HNF4G: variants seen among roughly 807,000 people sequenced by gnomAD.
The protein encoded by HNF4G is hepatocyte nuclear factor 4-gamma.
A neutral mutation model predicts 50.9 loss-of-function variants in HNF4G; 21 were observed. The ratio of observed to expected loss-of-function variants is 0.41; its 90% CI spans 0.29 to 0.59. The LOEUF is 0.59. HNF4G is among the 20% of genes least tolerant of loss of function. The pLI is 0.26. For missense variants in HNF4G, 527 were observed against 559.4 expected, an observed-to-expected ratio of 0.94 and a Z score of 0.58; for synonymous variants, 198 against 185.6, an observed-to-expected ratio of 1.07 and a Z score of -0.54.
chr8:75,551,575 T>G (rs928013712), intron 4 of HNF4G, 81 bp downstream of exon 4: 151 of 819,612 alleles, frequency 1.8e-4, no homozygotes, highest in Middle Eastern at 1.4e-3. Context: ...TAATCTAAGT[T>G]TTTTCAAAGG....
chr8:75,414,085 T>C (rs940431021), intron 1 of HNF4G, among the ~76,000 whole-genome samples: 5 of 152,152 alleles, frequency 3.3e-5, no homozygotes, highest in Non-Finnish European at 5.9e-5. Flanking sequence ...GACAAATGTA[T>C]GTAGTTTTGT....
chr8:75,522,210 A>G (rs1436472470), intron 2 of HNF4G, among the ~76,000 whole-genome samples: 1 of 152,210 alleles, frequency 6.6e-6, no homozygotes, highest in Non-Finnish European at 1.5e-5. Flanking sequence ...TCCTTAATTA[A>G]ACAAACTTTT....
chr8:75,453,081 G>A (rs1390311026), intron 1 of HNF4G, among the ~76,000 whole-genome samples: 1 of 152,214 alleles, frequency 6.6e-6, no homozygotes, highest in Non-Finnish European at 1.5e-5. Flanking sequence ...CCTATTTTCT[G>A]TGACAGGCTG....
intron 1 of HNF4G, among the ~76,000 whole-genome samples, chr8:75,409,785 C>T (rs1200482741): frequency 1.3e-5 from 2 of 152,014 alleles, no homozygotes; most frequent in African/African-American, 4.8e-5. Context: ...CCCCACCCGG[C>T]CTGTTTTTAT....
intron 2 of HNF4G, among the ~76,000 whole-genome samples, chr8:75,494,300 G>GCACGCA (rs1812708427): frequency 2.6e-5 from 2 of 77,264 alleles, no homozygotes; most frequent in South Asian, 4.2e-4. Context: ...CTCCCATACA[G>GCACGCA]CACACACACA....
At chr8:75,418,937 C>G (rs1484500962) in intron 1 of HNF4G, among the ~76,000 whole-genome samples, 1 of 151,896 alleles carries the variant, frequency 6.6e-6, no homozygotes, top group Non-Finnish European at 1.5e-5. Flanking sequence ...ATGTTGGCCA[C>G]ACCGACCTCG....
intron 1 of HNF4G, among the ~76,000 whole-genome samples, chr8:75,541,582 T>A (rs1806624599): frequency 6.6e-6 from 1 of 152,150 alleles, no homozygotes; most frequent in East Asian, 1.9e-4. Flanking sequence ...GTAAGTAGAA[T>A]ATATGTAAGT....
intron 2 of HNF4G, among the ~76,000 whole-genome samples, chr8:75,534,850 T>C (rs1563544742): frequency 6.6e-6 from 1 of 151,916 alleles, no homozygotes; most frequent in East Asian, 1.9e-4. Flanking sequence ...TATAAAACTG[T>C]AAGCAAAGCT....
chr8:75,465,388 C>T (rs1364545346), intron 1 of HNF4G, among the ~76,000 whole-genome samples: 3 of 152,116 alleles, frequency 2.0e-5, no homozygotes, highest in African/African-American at 7.2e-5. Context: ...TCATGCTAAA[C>T]ATCTCTATGC....
rs1291842496 is a variant in HNF4G, at chr8:75,564,162, G to T, written c.*66G>T. On this transcript the variant is annotated 3_prime_UTR_variant, in exon 10 of 10. Coordinates refer to ENST00000396423, the MANE Select transcript of HNF4G (RefSeq NM_004133.5). ...AGTTGTTGATCTTGAAATATCTCAGGATAGCACTTTTGGCAAACTCTTAGC... is the reference window on the plus strand; with the variant it reads ...AGTTGTTGATCTTGAAATATCTCAGTATAGCACTTTTGGCAAACTCTTAGC... The T allele has an allele frequency of 1.4e-5, 21 of 1,544,764 alleles. No individual in the cohort carries two copies. The highest frequency in any genetic ancestry group is 1.9e-5 in the Non-Finnish European group (21 of 1,131,074).
intron 2 of HNF4G, among the ~76,000 whole-genome samples, chr8:75,524,329 T>C (rs1301532939): frequency 6.6e-6 from 1 of 152,170 alleles, no homozygotes; most frequent in Admixed American, 6.5e-5. Flanking sequence ...AAATGGAAAC[T>C]TTAGCCAACA....
intron 1 of HNF4G, among the ~76,000 whole-genome samples, chr8:75,419,236 T>C (rs1433944610): frequency 6.6e-6 from 1 of 152,202 alleles, no homozygotes; most frequent in Non-Finnish European, 1.5e-5. Flanking sequence ...GCAAGGCAGA[T>C]ACTGTGTTTG....
chr8:75,560,449 T>G lies in HNF4G; in HGVS notation c.1229T>G (p.Val410Gly). 1 of 1,613,030 alleles carries G rather than the reference T, an allele frequency of 6.2e-7. No individual in the cohort carries two copies. Among genetic ancestry groups the G allele is most frequent in the Non-Finnish European group, 8.5e-7 (1 of 1,179,310 alleles). ...TILLGPMSTL[V>G]HADQISTPET... is the part of the protein sequence containing the mutation. ...CTTTTAGGTCCCATGTCAACACTGG[T>G]TCATGCAGACCAGATCTGTAAGTTT... is the stretch of plus-strand genomic sequence containing the variant. The change falls in exon 9 of 10, where the codon GTT becomes GGT. Residue 410 changes from valine to glycine, a missense_variant. Transcript: ENST00000396423.
At chr8:75,435,430 AC>A in intron 1 of HNF4G, among the ~76,000 whole-genome samples, 1 of 152,304 alleles carries the variant, frequency 6.6e-6, no homozygotes, top group Non-Finnish European at 1.5e-5. Flanking sequence ...CAGCTATCGA[AC>A]TTTTTTACTA....
intron 2 of HNF4G, among the ~76,000 whole-genome samples, chr8:75,504,814 A>C (rs1813033512): frequency 6.6e-6 from 1 of 152,104 alleles, no homozygotes; most frequent in South Asian, 2.1e-4. Context: ...ATCTCTTATT[A>C]CTTATTTGTA....
intron 3 of HNF4G, 130 bp from the exon 4 acceptor site, chr8:75,551,258 T>C: frequency 1.7e-6 from 1 of 571,686 alleles, no homozygotes; most frequent in Non-Finnish European, 3.1e-6. Context: ...AATGAAAATA[T>C]CTTTCTTCCA....
At chr8:75,409,649 C>A (rs1008832652) in intron 1 of HNF4G, among the ~76,000 whole-genome samples, 1 of 151,646 alleles carries the variant, frequency 6.6e-6, no homozygotes, top group Non-Finnish European at 1.5e-5. Context: ...CCACCACACC[C>A]GGCTGATTTT....
At chr8:75,448,239 C>T (rs1192574357) in intron 1 of HNF4G, among the ~76,000 whole-genome samples, 2 of 134,736 alleles carry the variant, frequency 1.5e-5, no homozygotes, top group Non-Finnish European at 3.1e-5. Context: ...ACAGTGAGAT[C>T]ACCTGGACAC....
At chr8:75,462,256 T>A (rs549790655) in intron 1 of HNF4G, among the ~76,000 whole-genome samples, 66 of 152,322 alleles carry the variant, frequency 4.3e-4, no homozygotes, top group African/African-American at 1.6e-3. Context: ...TTCTTAGGCA[T>A]ATCCAAATTG....
Sources: allele counts gnomAD v4.1 joint callset (sites outside exome capture counted in the v4.1 genomes callset), GRCh38; gene constraint gnomAD v4.1.1; transcripts MANE v1.5; gene names NCBI Gene and HGNC (gene_info 2026-07-23, HGNC 2026-07-21).